TRAP1: variants seen among roughly 807,000 people sequenced by gnomAD.
The protein encoded by TRAP1 is TNF receptor associated protein 1.
A neutral mutation model predicts 89.1 loss-of-function variants in TRAP1; 102 were observed. The observed-to-expected ratio is 1.15, with a 90% CI of 0.98 to 1.35. The LOEUF (loss-of-function observed/expected upper bound fraction) is 1.35. Ranked by LOEUF, TRAP1 falls within the 40% of genes most tolerant of loss-of-function variation. TRAP1 has a pLI of 0.00. For synonymous variants in TRAP1, 508 were observed against 388.0 expected, an observed-to-expected ratio of 1.31 and a Z score of -3.64; for missense variants, 1,256 against 945.3, an observed-to-expected ratio of 1.33 and a Z score of -4.31.
chr16:3,688,005 C>T (rs1413903545), intron 3 of TRAP1, among the ~76,000 whole-genome samples: 1 of 152,056 alleles, frequency 6.6e-6, no homozygotes. Context: ...CTCATCAGTA[C>T]GAAACCCGGA....
intron 12 of TRAP1, chr16:3,664,824 G>C: frequency 4.6e-6 from 1 of 219,292 alleles, no homozygotes. Flanking sequence ...ACACGGACAC[G>C]GGTGAAGTCC....
At chr16:3,685,909 C>T in intron 4 of TRAP1, 87 bp downstream of exon 4, 2 of 1,486,698 alleles carry the variant, frequency 1.3e-6, no homozygotes, top group South Asian at 2.6e-5. Context: ...CCAGTACGTC[C>T]CTGGGACCCG....
At chr16:3,662,661 T>TG in intron 15 of TRAP1, 1 of 686,982 alleles carries the variant, frequency 1.5e-6, no homozygotes. Flanking sequence ...AGTTCACACC[T>TG]GCTCTGGAGC....
chr16:3,716,617 G>C (rs1395622149), intron 1 of TRAP1, among the ~76,000 whole-genome samples: 2 of 123,614 alleles, frequency 1.6e-5, no homozygotes, highest in African/African-American at 6.2e-5. Flanking sequence ...TGCATACATG[G>C]TTTAGGCTTT....
chr16:3,702,078 T>C (rs897215522), intron 1 of TRAP1, among the ~76,000 whole-genome samples: 1 of 151,988 alleles, frequency 6.6e-6, no homozygotes, highest in Non-Finnish European at 1.5e-5. Flanking sequence ...TGTGGTGGCG[T>C]GCACCTGTAA....
chr16:3,675,445 A>C, intron 7 of TRAP1, 48 bp from the exon 8 acceptor site: 1 of 1,579,468 alleles, frequency 6.3e-7, no homozygotes, highest in Non-Finnish European at 8.7e-7. Context: ...ATGCTTGTGG[A>C]AACGCAAGCT....
chr16:3,659,399 G>A (rs1743189607), intron 16 of TRAP1: 1 of 152,222 alleles, frequency 6.6e-6, no homozygotes, highest in South Asian at 2.1e-4. Flanking sequence ...GTAAATTCCA[G>A]AGGGATCAAA....
chr16:3,682,276 C>G (rs531504284), intron 4 of TRAP1, among the ~76,000 whole-genome samples: 1 of 150,630 alleles, frequency 6.6e-6, no homozygotes, highest in Non-Finnish European at 1.5e-5. Flanking sequence ...TAGGGCTGGA[C>G]ACAACAGCTC....
At chr16:3,674,270 C>T (rs568818793) in intron 9 of TRAP1, 69 bp downstream of exon 9, 3 of 1,579,362 alleles carry the variant, frequency 1.9e-6, no homozygotes, top group Non-Finnish European at 2.6e-6. Flanking sequence ...CATGTGACAT[C>T]TGCAGAGCTG....
At position 3,662,893 on chromosome 16, in the gene TRAP1, T is replaced by C. The variant is rs201424736; in HGVS notation, c.1783A>G (p.Thr595Ala). The stretch of plus-strand genomic sequence containing the variant: ...CGGGAAAGCCTCACCTTCACGTTGG[T>C]GACACGCGACCCCAGCACATTTCTC... ...WMRNVLGSRV[T>A]NVKVTLRLDT... The change falls in exon 15 of 18, where the codon ACC (threonine) becomes GCC (alanine). Residue 595 changes from threonine to alanine, a missense_variant. By Grantham distance (58) the Thr-to-Ala change is moderately conservative. Transcript: ENST00000246957. 4 of 1,613,588 alleles carry C rather than the reference T, an allele frequency of 2.5e-6. No homozygotes were observed. In the East Asian group the frequency reaches 8.9e-5, roughly 36 times the overall value.
chr16:3,668,747 C>G (rs535133289), intron 11 of TRAP1, among the ~76,000 whole-genome samples: 14 of 152,230 alleles, frequency 9.2e-5, no homozygotes, highest in Non-Finnish European at 1.6e-4. Flanking sequence ...AGGAATGCAG[C>G]TCCCTTACTG....
chr16:3,694,199 G>C (rs565257178), intron 1 of TRAP1, among the ~76,000 whole-genome samples: 3 of 152,190 alleles, frequency 2.0e-5, no homozygotes, highest in African/African-American at 2.4e-5. Context: ...GCTGTGTCCA[G>C]ATTTCCCTCT....
intron 1 of TRAP1, among the ~76,000 whole-genome samples, chr16:3,711,373 G>A (rs1671262414): frequency 6.6e-6 from 1 of 152,144 alleles, no homozygotes; most frequent in Non-Finnish European, 1.5e-5. Flanking sequence ...GGCCGAGGCA[G>A]GCAGATCACA....
intron 17 of TRAP1, 70 bp from the exon 18 acceptor site, chr16:3,658,300 A>T: frequency 2.4e-6 from 3 of 1,251,754 alleles, no homozygotes; most frequent in Non-Finnish European, 3.4e-6. Flanking sequence ...TTTTTGAGAC[A>T]GAGTCTCACT....
intron 17 of TRAP1, 181 bp downstream of exon 17, chr16:3,658,612 G>A (rs549187794): frequency 1.6e-6 from 1 of 621,292 alleles, no homozygotes; most frequent in Non-Finnish European, 2.8e-6. Flanking sequence ...GGCAGAGGTT[G>A]TAGTGAGCCA....
intron 1 of TRAP1, among the ~76,000 whole-genome samples, chr16:3,705,975 G>A (rs918646216): frequency 1.3e-5 from 2 of 151,032 alleles, no homozygotes; most frequent in African/African-American, 4.9e-5. Context: ...TTACAGGCGT[G>A]AGCCACCAGT....
intron 2 of TRAP1, 77 bp from the exon 3 acceptor site, chr16:3,689,214 A>C (rs1165205639): frequency 7.8e-7 from 1 of 1,276,074 alleles, no homozygotes. Context: ...TCACATTCCA[A>C]AGAAAGCTTA....
chr16:3,695,213 TC>T (rs1181191044), intron 1 of TRAP1, among the ~76,000 whole-genome samples: 1 of 152,158 alleles, frequency 6.6e-6, no homozygotes, highest in African/African-American at 2.4e-5. Flanking sequence ...TCAACATCTT[TC>T]GTGGGGAGAC....
At chr16:3,677,810 C>G in intron 5 of TRAP1, 152 bp from the exon 6 acceptor site, 4 of 873,754 alleles carry the variant, frequency 4.6e-6, no homozygotes, top group Non-Finnish European at 6.8e-6. Context: ...ACGTGAAGAG[C>G]TAAGTCACAG....
Sources: gnomAD v4.1 joint callset for allele counts (sites outside exome capture counted in the v4.1 genomes callset) on GRCh38, gnomAD v4.1.1 for gene constraint, MANE v1.5 for transcripts, NCBI Gene and HGNC (gene_info 2026-07-23, HGNC 2026-07-21) for gene names.